The following DOK4 variants were observed in gnomAD, a reference collection of about 807,000 sequenced individuals.
DOK4 encodes the protein downstream of tyrosine kinase 4.
DOK4 carries 26 observed loss-of-function variants against 40.1 expected under a neutral mutation model. The observed-to-expected ratio is 0.65, with a 90% confidence interval of 0.48 to 0.90. DOK4 has a LOEUF of 0.90. Ranked by LOEUF, DOK4 falls within the 40% of genes least tolerant of loss-of-function variation. The probability of loss-of-function intolerance (pLI) is 0.00; values close to 1 mark genes in which losing one functional copy is unlikely to be tolerated. For synonymous variants in DOK4, 179 were observed against 177.0 expected (o/e 1.01, Z -0.09); for missense variants, 392 against 437.2 (o/e 0.90, Z 0.92).
chr16:57,473,647 A>G (rs1357540094), exon 8 of DOK4: 4 of 1,614,096 alleles, frequency 2.5e-6, no homozygotes, highest in African/African-American at 2.7e-5. Flanking sequence ...TGTTCTGGGA[A>G]CCAGTGATGT....
upstream of DOK4, chr16:57,486,507 C>G (rs1183517304): frequency 6.6e-6 from 1 of 151,930 alleles, no homozygotes; most frequent in Non-Finnish European, 1.5e-5. Flanking sequence ...CCGCTCCCCC[C>G]TCCGCCAGGT....
intron 4 of DOK4, 77 bp downstream of exon 4, chr16:57,475,429 C>G: frequency 2.1e-6 from 3 of 1,443,286 alleles, no homozygotes; most frequent in Non-Finnish European, 2.9e-6. Flanking sequence ...GTTAGCCCTG[C>G]TCTGCCCGCT....
intron 2 of DOK4, among the ~76,000 whole-genome samples, chr16:57,478,343 A>T (rs1387044969): frequency 6.8e-6 from 1 of 147,370 alleles, no homozygotes; most frequent in East Asian, 2.0e-4. Flanking sequence ...TGGGTGGCAG[A>T]TCCCTCTCCC....
chr16:57,473,707 C>T (rs369416801), exon 8 of DOK4: 15 of 1,613,552 alleles, frequency 9.3e-6, no homozygotes, highest in Non-Finnish European at 1.1e-5. Context: ...TGCAGGGATA[C>T]GAGTAATGTT....
intron 1 of DOK4, chr16:57,480,332 C>CGAGCTCA (rs1567591324): frequency 6.6e-6 from 1 of 152,292 alleles, no homozygotes; most frequent in East Asian, 1.9e-4. Context: ...ATCACTACCT[C>CGAGCTCA]GAGCTCACGC....
chr16:57,475,867 G>C (rs764133024), exon 3 of DOK4: 12 of 1,612,664 alleles, frequency 7.4e-6, no homozygotes, highest in Middle Eastern at 1.6e-4. Context: ...CAGCCCCGGA[G>C]GCACACCGAC....
At chr16:57,483,503 G>A (rs576905225) in intron 1 of DOK4, among the ~76,000 whole-genome samples, 1 of 152,216 alleles carries the variant, frequency 6.6e-6, no homozygotes, top group East Asian at 1.9e-4. Context: ...TGTGGCACGT[G>A]CCTGTAGTCA....
chr16:57,473,589 G>A (rs768841954), intron 8 of DOK4, 24 bp downstream of exon 8: 1 of 1,614,278 alleles, frequency 6.2e-7, no homozygotes, highest in East Asian at 2.2e-5. Context: ...TGGCAGGTGG[G>A]TGTGGGGCAT....
At chr16:57,481,285 G>A (rs1409488305) in intron 1 of DOK4, among the ~76,000 whole-genome samples, 3 of 152,260 alleles carry the variant, frequency 2.0e-5, no homozygotes, top group Non-Finnish European at 1.5e-5. Context: ...ACGGTAATGC[G>A]CCCCTATCCC....
At position 57,473,426 on chromosome 16, in the gene DOK4, G is replaced by T. The variant is rs1343912872; in HGVS notation, c.932C>A (p.Pro311Gln). The change falls in exon 9 of 9, where the codon CCA becomes CAA. Residue 311 changes from proline to glutamine, a missense_variant. Pro to Gln is a moderately conservative substitution (Grantham distance 76). Transcript: ENST00000340099. ...ACTGCTGTCCCCCTGGCTGGGCTTT[G>T]GCTTTAGCAGGATGAATCTGTTGAG... 5 of 1,614,078 alleles carry T rather than the reference G, an allele frequency of 3.1e-6. No individual in the cohort carries two copies. In the South Asian group the frequency reaches 5.5e-5, roughly 18 times the overall value.
chr16:57,473,300 A>G, exon 9 of DOK4: 1 of 1,522,270 alleles, frequency 6.6e-7, no homozygotes, highest in Non-Finnish European at 8.8e-7. Context: ...CAGCCCCCTG[A>G]GGCTGTCCAC....
At chr16:57,475,251 C>T (rs780283364) in intron 4 of DOK4, 32 bp from the exon 5 acceptor site, 96 of 1,602,300 alleles carry the variant, frequency 6.0e-5, no homozygotes, top group Admixed American at 3.0e-4. Flanking sequence ...CATGCAGCTC[C>T]AGAGCCCGGT....
rs1334649691 is a variant in DOK4, at chr16:57,485,004, C to T, written c.-182+1301G>A. On this transcript the variant is annotated intron_variant, in intron 1 of 8. Transcript: ENST00000340099. The surrounding 1 kb of genome is among the most constrained non-coding windows in gnomAD (Gnocchi z 4.3). The stretch of plus-strand genomic sequence containing the variant: ...AGATGCTCAATATTTGGGGGCTGAA[C>T]ACGTAATTCTCTCCAGGACTTGTCC... Among the ~76,000 whole-genome samples the T allele has an allele frequency of 1.3e-5, 2 of 152,230 alleles. No homozygotes were observed. The highest frequency in any genetic ancestry group is 4.8e-5 in the African/African-American group (2 of 41,460).
chr16:57,476,147 A>C, intron 2 of DOK4, 190 bp from the exon 3 acceptor site: 1 of 578,664 alleles, frequency 1.7e-6, no homozygotes, highest in East Asian at 2.9e-5. Flanking sequence ...TCCTCCCCAA[A>C]TTGAAAAGTC....
exon 9 of DOK4, chr16:57,473,316 ACTG>A: frequency 6.4e-7 from 1 of 1,562,944 alleles, no homozygotes; most frequent in Non-Finnish European, 8.7e-7. Context: ...TCCACGGTAC[ACTG>A]CAGCCAGCCC....
rs1555515973 is a variant in DOK4 at position 57,473,865 on chromosome 16, T to TTC, written c.738+35_738+36insGA. On this transcript the variant is annotated intron_variant, in intron 7 of 8. Transcript: ENST00000340099. ...CCCTGCCTGCCCGCCCGTTCCCCCCTCCCCCCGTACCCTGGACTGATGCCC... is the reference window on the plus strand; with the variant it reads ...CCCTGCCTGCCCGCCCGTTCCCCCCTTCCCCCCCGTACCCTGGACTGATGCCC... 6 of 1,532,520 alleles carry TTC rather than the reference T, an allele frequency of 3.9e-6. No individual in the cohort carries two copies. The South Asian group carries it at 5.7e-5, about 14-fold the overall frequency. 94.9% of individuals were successfully genotyped at this position (1,532,520 alleles called of 1,614,324 possible). A position where few individuals can be genotyped will look rare whatever the true frequency, so the allele number is the denominator to read the frequency against.
At position 57,475,845 on chromosome 16, in the gene DOK4, C is replaced by A; in HGVS notation, c.174+5G>T. On this transcript the variant is annotated splice_donor_5th_base_variant and intron_variant, in intron 3 of 8. Transcript: ENST00000340099. ...TTGGGGGAGCTAGGGCCCAGGCCTC[C>A]TAACCTTGGGGCAGCCCCGGAGGCA... is the stretch of plus-strand genomic sequence containing the variant. 6.2e-7 allele frequency: 1 copy of A among 1,612,060 alleles called. No homozygotes were observed.
rs1479206130 is a variant in DOK4, at chr16:57,486,451, G to T, written c.-328C>A. The T allele has an allele frequency of 6.6e-6, 1 of 152,056 alleles. No homozygotes were observed. The highest frequency in any genetic ancestry group is 2.4e-5 in the African/African-American group (1 of 41,258). The allele number at this position is 152,056 out of a possible 1,614,324, so 9.4% of individuals were successfully genotyped here. A position where few individuals can be genotyped will look rare whatever the true frequency, so the allele number is the denominator to read the frequency against. The stretch of plus-strand genomic sequence containing the variant: ...GGACGGCGAGGGAGGCGCGGCCGCA[G>T]GGCTAGGGATCGGGCTCCGGCTGGG... On this transcript the variant is annotated 5_prime_UTR_variant, in exon 1 of 9. In the 5' UTR this introduces an upstream ATG that the reference lacks. Transcript: ENST00000340099.
intron 6 of DOK4, among the ~76,000 whole-genome samples, chr16:57,474,397 T>G (rs778626885): frequency 6.6e-6 from 1 of 152,164 alleles, no homozygotes; most frequent in Non-Finnish European, 1.5e-5. Flanking sequence ...GAGGATTATA[T>G]GGAATTTCAG....
Sources: gnomAD v4.1 joint callset for allele counts (sites outside exome capture counted in the v4.1 genomes callset) on GRCh38, gnomAD v4.1.1 for gene constraint, Gnocchi (gnomAD v3.1) non-coding constraint, MANE v1.5 for transcripts, NCBI Gene and HGNC (gene_info 2026-07-23, HGNC 2026-07-21) for gene names.